The following ERO1B variants were observed in gnomAD, a reference collection of about 807,000 sequenced individuals.
ERO1B encodes ERO1-like protein beta.
In ERO1B, 49 loss-of-function variants were observed where a neutral mutation model predicts 75.3. The ratio of observed to expected loss-of-function variants is 0.65; its 90% confidence interval spans 0.52 to 0.83. The LOEUF is 0.83. Ranked by LOEUF, ERO1B falls within the 40% of genes least tolerant of loss-of-function variation. ERO1B has a pLI of 0.00. For synonymous variants in ERO1B, 191 were observed against 192.9 expected (o/e 0.99, Z 0.08); for missense variants, 512 against 560.1 (o/e 0.91, Z 0.87).
intron 5 of ERO1B, among the ~76,000 whole-genome samples, chr1:236,243,789 A>G (rs896071982): frequency 6.6e-6 from 1 of 152,186 alleles, no homozygotes; most frequent in Non-Finnish European, 1.5e-5. Context: ...ACATGTAGTT[A>G]AACACAAAAC....
intron 2 of ERO1B, among the ~76,000 whole-genome samples, chr1:236,262,591 G>C (rs1482112250): frequency 6.6e-6 from 1 of 151,918 alleles, no homozygotes; most frequent in Non-Finnish European, 1.5e-5. Flanking sequence ...TTTTAGTAGA[G>C]ATGGGGTTTC....
At chr1:236,281,487 C>G (rs1026404923) in intron 1 of ERO1B, 195 bp downstream of exon 1, 6 of 398,500 alleles carry the variant, frequency 1.5e-5, no homozygotes, top group African/African-American at 8.3e-5. Context: ...GCCGTCCCCC[C>G]ACCCTGCGGG....
At chr1:236,281,370 C>T (rs1197315240) in intron 1 of ERO1B, 1 of 233,730 alleles carries the variant, frequency 4.3e-6, no homozygotes, top group Non-Finnish European at 8.2e-6. Context: ...CCCGTCCCAT[C>T]TCCCGCCACA....
At chr1:236,251,927 G>A in intron 4 of ERO1B, 123 bp downstream of exon 4, 1 of 696,576 alleles carries the variant, frequency 1.4e-6, no homozygotes, top group East Asian at 2.8e-5. Flanking sequence ...TTGGAATTCT[G>A]AGGCAAAATG....
intron 1 of ERO1B, among the ~76,000 whole-genome samples, chr1:236,279,259 T>G (rs1414972914): frequency 6.6e-6 from 1 of 151,924 alleles, no homozygotes; most frequent in Admixed American, 6.6e-5. Flanking sequence ...TCCCAGCACT[T>G]TGGGAGGCCA....
chr1:236,276,616 G>A (rs6662005), intron 1 of ERO1B, among the ~76,000 whole-genome samples: 23,753 of 152,116 alleles, frequency 0.16, 2,560 homozygotes, highest in East Asian at 0.39. Context: ...GGACATCGGC[G>A]ACCTTGCCAA....
At position 236,233,600 on chromosome 1, in the gene ERO1B, G is replaced by GAA. The variant is rs59372414; in HGVS notation, c.674-763_674-762dup. Among the ~76,000 whole-genome samples the GAA allele has an allele frequency of 6.4e-3, 767 of 119,602 alleles. 13 individuals are homozygous for GAA. The highest frequency in any genetic ancestry group is 0.02 in the African/African-American group (676 of 33,056). The allele number at this position is 119,602 out of a possible 152,430, so 78.5% of individuals were successfully genotyped here. On this transcript the variant is annotated intron_variant, in intron 8 of 15. Transcript: ENST00000354619. The stretch of plus-strand genomic sequence containing the variant: ...GTGACAGAGTGCGACTCTGTCTCAA[G>GAA]AAAAAAAAAAAAAGATTTGCACATT...
At chr1:236,222,884 T>C (rs918320911) in intron 13 of ERO1B, among the ~76,000 whole-genome samples, 2 of 152,164 alleles carry the variant, frequency 1.3e-5, no homozygotes, top group African/African-American at 2.4e-5. Flanking sequence ...TGGAGATGCT[T>C]ACTGGATCCC....
chr1:236,243,589 G>C (rs1664766665), intron 5 of ERO1B, 94 bp from the exon 6 acceptor site: 1 of 779,500 alleles, frequency 1.3e-6, no homozygotes, highest in Non-Finnish European at 2.0e-6. Context: ...GATAATCTGA[G>C]GTCAGTTAAA....
chr1:236,281,714 G>C lies in ERO1B; in HGVS notation c.70C>G (p.Leu24Val), dbSNP rs1472761886. 3 of 1,512,220 alleles carry C rather than the reference G, an allele frequency of 2.0e-6. No individual in the cohort carries two copies. The Admixed American group carries it at 6.1e-5, about 31-fold the overall frequency. 93.7% of individuals were successfully genotyped at this position (1,512,220 alleles called of 1,614,324 possible). The change falls in exon 1 of 16, where the codon CTG becomes GTG. Residue 24 changes from leucine (L) to valine (V), a missense_variant. Leu to Val is a conservative substitution (Grantham distance 32, BLOSUM62 1). Coordinates refer to ENST00000354619, the MANE Select transcript of ERO1B (RefSeq NM_019891.4). ...VAAAVQLLVT[L>V]SFLRSVVEAQ... is the part of the protein sequence containing the mutation. ...TCGACGACGCTCCGCAGGAAGCTCAGGGTGACCAGCAGCTGCACCGCGGCC... is the reference window on the plus strand; with the variant it reads ...TCGACGACGCTCCGCAGGAAGCTCACGGTGACCAGCAGCTGCACCGCGGCC...
intron 5 of ERO1B, among the ~76,000 whole-genome samples, chr1:236,247,399 T>A (rs1664911803): frequency 6.6e-6 from 1 of 152,180 alleles, no homozygotes; most frequent in South Asian, 2.1e-4. Flanking sequence ...AAAGCTCATA[T>A]CTTCTCAATA....
intron 9 of ERO1B, among the ~76,000 whole-genome samples, chr1:236,231,090 A>G (rs1488902019): frequency 8.6e-6 from 1 of 116,464 alleles, no homozygotes; most frequent in Non-Finnish European, 2.3e-5. Context: ...CAAACGTCCA[A>G]CTATTGATTA....
intron 2 of ERO1B, among the ~76,000 whole-genome samples, chr1:236,263,340 C>G (rs1249541636): frequency 6.6e-6 from 1 of 152,038 alleles, no homozygotes; most frequent in Non-Finnish European, 1.5e-5. Flanking sequence ...CTTCCACCTC[C>G]CAGGTTCAAA....
In ERO1B at chr1:236,281,837, C is replaced by T; in HGVS notation, c.-54G>A. 1 of 1,303,892 alleles carries T rather than the reference C, an allele frequency of 7.7e-7. No homozygotes were observed. 80.8% of individuals were successfully genotyped at this position (1,303,892 alleles called of 1,614,324 possible). ...CGGACCCCTCGGGGCCGGGGAACGA[C>T]GGGCGGCCCAGGCGACGACCCAAGG... On this transcript the variant is annotated 5_prime_UTR_variant, in exon 1 of 16. Transcript: ENST00000354619.
At chr1:236,279,857 A>AAG (rs1375098878) in intron 1 of ERO1B, among the ~76,000 whole-genome samples, 9 of 151,888 alleles carry the variant, frequency 5.9e-5, no homozygotes, top group Non-Finnish European at 1.2e-4. Context: ...AAAAAAAAAA[A>AAG]AAAGAAAGTA....
chr1:236,255,438 C>A (rs939977266), intron 2 of ERO1B, among the ~76,000 whole-genome samples: 1 of 152,122 alleles, frequency 6.6e-6, no homozygotes, highest in African/African-American at 2.4e-5. Flanking sequence ...TGGCACTTAT[C>A]CCTGAATGTT....
At chr1:236,226,832 T>C in intron 10 of ERO1B, 93 bp from the exon 11 acceptor site, 1 of 831,662 alleles carries the variant, frequency 1.2e-6, no homozygotes, top group South Asian at 1.7e-5. Flanking sequence ...TATTTTTGAT[T>C]GAAGAACATT....
At chr1:236,263,440 G>T (rs569286468) in intron 2 of ERO1B, among the ~76,000 whole-genome samples, 5 of 151,982 alleles carry the variant, frequency 3.3e-5, no homozygotes, top group Non-Finnish European at 7.4e-5. Context: ...AGTAGAGATG[G>T]GGTTTCACTA....
intron 1 of ERO1B, among the ~76,000 whole-genome samples, chr1:236,280,781 A>T (rs776939247): frequency 2.0e-5 from 3 of 152,140 alleles, no homozygotes; most frequent in African/African-American, 7.2e-5. Context: ...TCATCAGGCC[A>T]CCTGAGACCT....
Sources: allele counts gnomAD v4.1 joint callset (sites outside exome capture counted in the v4.1 genomes callset), GRCh38; gene constraint gnomAD v4.1.1; transcripts MANE v1.5; gene names NCBI Gene and HGNC (gene_info 2026-07-23, HGNC 2026-07-21).